Variants in NXF1 observed in about 807,000 individuals in gnomAD.
The protein encoded by NXF1 is nuclear RNA export factor 1, also known as mRNA export factor TAP.
Under a neutral mutation model 92.4 loss-of-function variants are expected in NXF1, and 43 were observed. That is an observed-to-expected ratio of 0.47 (90% CI 0.36 to 0.60). The LOEUF is 0.60. Ranked by LOEUF, NXF1 falls within the 20% of genes least tolerant of loss-of-function variation. NXF1 has a pLI of 0.00. For missense variants in NXF1, 576 were observed against 793.0 expected, an observed-to-expected ratio of 0.73 and a Z score of 3.29; for synonymous variants, 288 against 292.2, an observed-to-expected ratio of 0.99 and a Z score of 0.15.
rs766235809 is a variant in NXF1, at chr11:62,794,242, C to A, written c.1760+16G>T. On this transcript the variant is annotated intron_variant, in intron 19 of 20. Coordinates refer to ENST00000294172, the MANE Select transcript of NXF1 (RefSeq NM_006362.5). ...TACTTCAGTGCATCCCCATCCTACACATGCCCCGCACTCACTTCTGGGACC... is the reference window on the plus strand; with the variant it reads ...TACTTCAGTGCATCCCCATCCTACAAATGCCCCGCACTCACTTCTGGGACC... The A allele has an allele frequency of 6.2e-7, 1 of 1,604,830 alleles. No homozygotes were observed. Among genetic ancestry groups the A allele is most frequent in the African/African-American group, 1.3e-5 (1 of 74,760 alleles).
At position 62,796,315 on chromosome 11, in the gene NXF1, G is replaced by A; in HGVS notation, c.1317C>T (p.Ser439=). ...RSSLAEYFKD[S]RNVKKLKDPT... is the part of the protein sequence containing the mutation. Reference sequence around the variant, plus strand: ...GGTCTTTAAGCTTCTTCACATTTCTGCTATCCTTGAAATACTCGGCTAAGC... The same window carrying A: ...GGTCTTTAAGCTTCTTCACATTTCTACTATCCTTGAAATACTCGGCTAAGC... The change falls in exon 15 of 21, where the codon AGC becomes AGT. Residue 439 remains serine, a synonymous_variant. Coordinates refer to ENST00000294172, the MANE Select transcript of NXF1 (RefSeq NM_006362.5). 1 of 1,614,040 alleles carries A rather than the reference G, an allele frequency of 6.2e-7. No individual in the cohort carries two copies. The highest frequency in any genetic ancestry group is 8.5e-7 in the Non-Finnish European group (1 of 1,180,028).
intron 2 of NXF1, 106 bp from the exon 3 acceptor site, chr11:62,803,678 G>T: frequency 6.5e-7 from 1 of 1,537,610 alleles, no homozygotes; most frequent in South Asian, 1.2e-5. Flanking sequence ...TAATCACTAA[G>T]CTAGTCCTGG....
At chr11:62,804,112 C>T (rs976525391) in intron 1 of NXF1, 134 bp from the exon 2 acceptor site, 11 of 1,565,598 alleles carry the variant, frequency 7.0e-6, no homozygotes, top group African/African-American at 2.7e-5. Flanking sequence ...ATGCAAACTC[C>T]GCTCCCTATC....
intron 13 of NXF1, 43 bp downstream of exon 13, chr11:62,797,140 C>T (rs563950731): frequency 6.4e-7 from 1 of 1,570,494 alleles, no homozygotes; most frequent in Non-Finnish European, 8.8e-7. Context: ...CCACCATTCC[C>T]CCTCAACCTC....
At chr11:62,794,232 C>T (rs1402360138) in intron 19 of NXF1, 26 bp downstream of exon 19, 1 of 1,598,834 alleles carries the variant, frequency 6.3e-7, no homozygotes, top group Non-Finnish European at 8.6e-7. Flanking sequence ...CAGTGCATCC[C>T]CATCCTACAC....
In NXF1 at chr11:62,801,163, C is replaced by T; in HGVS notation, c.837G>A (p.Arg279=). Residue 279 remains arginine (R), a synonymous_variant, in exon 9 of 21, where the codon AGG becomes AGA. Transcript: ENST00000294172. ...SLNLSNNRLY[R]LDDMSSIVQK... ...GAACAATGCTAGACATGTCATCCAGCCTGTACAGCCTGTTGTTGCTCAAGT... is the reference window on the plus strand; with the variant it reads ...GAACAATGCTAGACATGTCATCCAGTCTGTACAGCCTGTTGTTGCTCAAGT... 1 of 1,614,216 alleles carries T rather than the reference C, an allele frequency of 6.2e-7. No individual in the cohort carries two copies. Among genetic ancestry groups the T allele is most frequent in the Non-Finnish European group, 8.5e-7 (1 of 1,180,044 alleles).
chr11:62,799,776 C>T, intron 10 of NXF1: 1 of 985,840 alleles, frequency 1.0e-6, no homozygotes, highest in Non-Finnish European at 1.2e-6. Flanking sequence ...CAGGTTTCTT[C>T]TTCAGGGAGA....
At chr11:62,800,086 T>C in intron 10 of NXF1, 1 of 1,249,734 alleles carries the variant, frequency 8.0e-7, no homozygotes, top group Non-Finnish European at 1.0e-6. Context: ...GGAGATGCCT[T>C]TCCTGGAACA....
rs749462262 is a variant in NXF1, at chr11:62,792,447, G to A, written c.*29C>T. 2 of 1,613,668 alleles carry A rather than the reference G, an allele frequency of 1.2e-6. No individual in the cohort carries two copies. The highest frequency in any genetic ancestry group is 1.3e-5 in the African/African-American group (1 of 74,906). ...GGTAATATCCAAGGACTATTTACAG[G>A]GGGGACTGCTTCTGAGGCATGACTA... On this transcript the variant is annotated 3_prime_UTR_variant, in exon 21 of 21. Transcript: ENST00000294172.
At position 62,802,255 on chromosome 11, in the gene NXF1, A is replaced by T. The variant is rs562139672; in HGVS notation, c.375T>A (p.Pro125=). ...ATGCCTTGTCATACTTTCTGCCATA[A>T]GGAATCTAGAAATGAGAGAAAGAGA... The part of the protein sequence containing the change: ...TSKNWFKITI[P]YGRKYDKAWL... The change falls in exon 4 of 21, where the codon CCT becomes CCA. Residue 125 remains proline, a synonymous_variant. Coordinates refer to ENST00000294172, the MANE Select transcript of NXF1 (RefSeq NM_006362.5). The T allele has an allele frequency of 1.9e-6, 3 of 1,613,834 alleles. No individual in the cohort carries two copies. In the African/African-American group the frequency reaches 4.0e-5, roughly 21 times the overall value.
intron 1 of NXF1, among the ~76,000 whole-genome samples, chr11:62,804,904 C>G (rs1328390858): frequency 6.6e-6 from 1 of 152,156 alleles, no homozygotes; most frequent in African/African-American, 2.4e-5. Flanking sequence ...ACTAGAATAT[C>G]CAGTTGATGT....
chr11:62,794,417 A>C lies in NXF1; in HGVS notation c.1601T>G (p.Leu534Arg). The stretch of plus-strand genomic sequence containing the variant: ...TTCAGAACTGGCATTCCGCACAAAT[A>C]GCTCATCATTTACAATACATAGCCT... ...NSGLCIVNDELFVRNASSEEI... is the reference protein window; with the variant it reads ...NSGLCIVNDERFVRNASSEEI... Residue 534 changes from leucine (L) to arginine (R), a missense_variant, in exon 19 of 21, where the codon CTA (leucine) becomes CGA (arginine). Coordinates refer to ENST00000294172, the MANE Select transcript of NXF1 (RefSeq NM_006362.5). The C allele has an allele frequency of 6.2e-7, 1 of 1,613,888 alleles. No homozygotes were observed. Among genetic ancestry groups the C allele is most frequent in the Non-Finnish European group, 8.5e-7 (1 of 1,179,764 alleles).
intron 13 of NXF1, chr11:62,796,981 C>G: frequency 1.7e-6 from 1 of 584,914 alleles, no homozygotes; most frequent in South Asian, 2.0e-5. Flanking sequence ...GCAGGAGAAT[C>G]ACTTGAACCC....
rs1016993929 is a variant in NXF1 at position 62,801,633 on chromosome 11, T to C, written c.640-2A>G. On this transcript the variant is annotated splice_acceptor_variant, in intron 6 of 20. Coordinates refer to ENST00000294172, the MANE Select transcript of NXF1 (RefSeq NM_006362.5). LOFTEE classifies it high-confidence loss of function. ...ATCGTATCGTTTGCTCATGATCAGC[T>C]AGAGGAAAAAGAAGGGTTTAGTGGT... 1 of 1,613,726 alleles carries C rather than the reference T, an allele frequency of 6.2e-7. No homozygotes were observed. The highest frequency in any genetic ancestry group is 8.5e-7 in the Non-Finnish European group (1 of 1,179,942).
chr11:62,792,743 G>C, intron 19 of NXF1, 42 bp from the exon 20 acceptor site: 1 of 1,600,112 alleles, frequency 6.2e-7, no homozygotes, highest in Non-Finnish European at 8.6e-7. Flanking sequence ...ACTCTGACTC[G>C]TAAATGCCAG....
chr11:62,798,143 A>T (rs79134972), intron 11 of NXF1, among the ~76,000 whole-genome samples: 1 of 144,968 alleles, frequency 6.9e-6, no homozygotes, highest in Non-Finnish European at 1.5e-5. Flanking sequence ...AAAAAAAAAA[A>T]GGGCCTGGTG....
At chr11:62,797,021 T>A in intron 13 of NXF1, 162 bp downstream of exon 13, 1 of 636,818 alleles carries the variant, frequency 1.6e-6, no homozygotes. Context: ...TGAGCCAAGA[T>A]CACACCATTG....
intron 19 of NXF1, among the ~76,000 whole-genome samples, chr11:62,793,139 C>T (rs1203608747): frequency 2.7e-5 from 4 of 150,260 alleles, no homozygotes; most frequent in African/African-American, 4.9e-5. Flanking sequence ...AGTGCAGTGG[C>T]GTGATCTCGG....
Position 62,798,730 on chromosome 11 carries a change from C to G in NXF1, c.1017-155G>C, listed in dbSNP as rs958890727. 4 of 1,442,284 alleles carry G rather than the reference C, an allele frequency of 2.8e-6. No homozygotes were observed. The African/African-American group carries it at 5.7e-5, about 21-fold the overall frequency. 89.3% of individuals were successfully genotyped at this position (1,442,284 alleles called of 1,614,324 possible). A position where few individuals can be genotyped will look rare whatever the true frequency, so the allele number is the denominator to read the frequency against. ...CCTGTGCTCAGGGAAAAATGGCCCCCACTCCCCACCTGACCCGGGGCACCC... is the reference window on the plus strand; with the variant it reads ...CCTGTGCTCAGGGAAAAATGGCCCCGACTCCCCACCTGACCCGGGGCACCC... On this transcript the variant is annotated intron_variant, in intron 10 of 20. Transcript: ENST00000294172.
Sources: allele counts gnomAD v4.1 joint callset (sites outside exome capture counted in the v4.1 genomes callset), GRCh38; gene constraint gnomAD v4.1.1; transcripts MANE v1.5; gene names NCBI Gene and HGNC (gene_info 2026-07-23, HGNC 2026-07-21).